ABAT: variants seen among roughly 807,000 people sequenced by gnomAD.
The protein encoded by ABAT is 4-aminobutyrate aminotransferase, mitochondrial.
A neutral mutation model predicts 64.6 loss-of-function variants in ABAT; 45 were observed. The observed-to-expected ratio is 0.70, with a 90% confidence interval of 0.55 to 0.89. The LOEUF (loss-of-function observed/expected upper bound fraction) is 0.89. ABAT is among the 40% of genes least tolerant of loss of function. The pLI is 0.00. For missense variants in ABAT, 633 were observed against 658.4 expected (o/e 0.96, Z 0.42); for synonymous variants, 297 against 250.5 (o/e 1.19, Z -1.75).
intron 2 of ABAT, among the ~76,000 whole-genome samples, chr16:8,739,926 G>A (rs1221478050): frequency 6.6e-6 from 1 of 151,256 alleles, no homozygotes; most frequent in Admixed American, 6.6e-5. Flanking sequence ...TATCTAGTAA[G>A]CCAGAATATG....
chr16:8,731,867 T>C (rs115900681), intron 1 of ABAT, among the ~76,000 whole-genome samples: 2,197 of 152,160 alleles, frequency 0.014, 58 homozygotes, highest in African/African-American at 0.05. Flanking sequence ...CTTTTTTTCC[T>C]CCTTGAAACA....
At chr16:8,724,309 AT>A (rs2058470938) in intron 1 of ABAT, among the ~76,000 whole-genome samples, 3 of 152,238 alleles carry the variant, frequency 2.0e-5, no homozygotes, top group South Asian at 4.1e-4. Context: ...ATAATGAAAA[AT>A]AAAAAATAAG....
Position 8,766,341 on chromosome 16 carries a change from T to C in ABAT, c.603+71T>C. ...CAGCCTCTCCCGGGCTGTTGCTGGCTGGCTGGCACTGTCCTCAATTAGGAA... is the reference window on the plus strand; with the variant it reads ...CAGCCTCTCCCGGGCTGTTGCTGGCCGGCTGGCACTGTCCTCAATTAGGAA... On this transcript the variant is annotated intron_variant, in intron 9 of 15. Coordinates refer to ENST00000268251, the MANE Select transcript of ABAT (RefSeq NM_020686.6). The C allele has an allele frequency of 1.6e-5, 23 of 1,465,414 alleles. No homozygotes were observed. In the South Asian group the frequency reaches 2.2e-4, roughly 14 times the overall value. The allele number at this position is 1,465,414 out of a possible 1,614,324, so 90.8% of individuals were successfully genotyped here.
chr16:8,738,628 G>GTTT (rs879122746), intron 2 of ABAT, among the ~76,000 whole-genome samples: 1 of 125,506 alleles, frequency 8.0e-6, no homozygotes, highest in African/African-American at 3.3e-5. Context: ...TTTTGTTTTT[G>GTTT]TTTTTTTTTT....
At chr16:8,712,008 G>T (rs1380468024) in intron 1 of ABAT, among the ~76,000 whole-genome samples, 1 of 151,664 alleles carries the variant, frequency 6.6e-6, no homozygotes, top group Non-Finnish European at 1.5e-5. Flanking sequence ...GGGAGGTCGG[G>T]GGGGAGGGGC....
At chr16:8,700,085 T>C (rs577370326) in intron 1 of ABAT, among the ~76,000 whole-genome samples, 1 of 152,292 alleles carries the variant, frequency 6.6e-6, no homozygotes, top group Admixed American at 6.5e-5. Flanking sequence ...CCTCCCAAAG[T>C]GCTGGGATTA....
At chr16:8,678,524 C>CAG (rs1216863590) in intron 1 of ABAT, among the ~76,000 whole-genome samples, 6 of 152,234 alleles carry the variant, frequency 3.9e-5, no homozygotes, top group Non-Finnish European at 7.3e-5. Flanking sequence ...CACCAGGCAT[C>CAG]AGAGAAACAT....
At chr16:8,715,409 A>C (rs972435301) in intron 1 of ABAT, 1 of 152,068 alleles carries the variant, frequency 6.6e-6, no homozygotes, top group Non-Finnish European at 1.5e-5. Context: ...CTTGAAGTCA[A>C]GAGTTAGAGA....
intron 1 of ABAT, among the ~76,000 whole-genome samples, chr16:8,700,938 T>G: frequency 6.7e-6 from 1 of 150,114 alleles, no homozygotes; most frequent in African/African-American, 2.5e-5. Flanking sequence ...TGCTTTGTTT[T>G]GTTTTTTCTC....
chr16:8,695,427 C>T (rs1349788113), intron 1 of ABAT, among the ~76,000 whole-genome samples: 1 of 152,180 alleles, frequency 6.6e-6, no homozygotes, highest in Non-Finnish European at 1.5e-5. Flanking sequence ...CACCCCTAAG[C>T]ACTGCATTCA....
chr16:8,742,120 G>C (rs1226681424), intron 2 of ABAT, among the ~76,000 whole-genome samples: 1 of 152,132 alleles, frequency 6.6e-6, no homozygotes, highest in African/African-American at 2.4e-5. Flanking sequence ...TTCCTGGCTT[G>C]TGCCCCATAG....
chr16:8,756,981 G>A (rs2059665733), intron 5 of ABAT, among the ~76,000 whole-genome samples: 1 of 152,116 alleles, frequency 6.6e-6, no homozygotes, highest in African/African-American at 2.4e-5. Context: ...GATGAGGCAT[G>A]CGGGTCACAG....
At chr16:8,703,402 A>G (rs2057869923) in intron 1 of ABAT, among the ~76,000 whole-genome samples, 1 of 151,868 alleles carries the variant, frequency 6.6e-6, no homozygotes, top group Admixed American at 6.6e-5. Context: ...GTTGCAGTGA[A>G]CCAAAATCGT....
chr16:8,763,744 A>G (rs1464164573), intron 6 of ABAT, among the ~76,000 whole-genome samples: 1 of 152,188 alleles, frequency 6.6e-6, no homozygotes, highest in African/African-American at 2.4e-5. Flanking sequence ...ATAAAGAAAG[A>G]GACTCACGGG....
At chr16:8,724,943 G>T (rs2058499671) in intron 1 of ABAT, among the ~76,000 whole-genome samples, 1 of 146,854 alleles carries the variant, frequency 6.8e-6, no homozygotes. Context: ...TTGAGATGGA[G>T]TCTCACTCTG....
intron 1 of ABAT, among the ~76,000 whole-genome samples, chr16:8,679,107 C>A (rs1043928416): frequency 6.6e-6 from 1 of 152,068 alleles, no homozygotes; most frequent in South Asian, 2.1e-4. Flanking sequence ...TCACTTGAGC[C>A]CAGGAGTTTG....
intron 6 of ABAT, among the ~76,000 whole-genome samples, chr16:8,762,395 G>C (rs1407322076): frequency 6.6e-6 from 1 of 152,070 alleles, no homozygotes; most frequent in African/African-American, 2.4e-5. Flanking sequence ...CATCTCACTG[G>C]CTTCTTACAA....
intron 1 of ABAT, among the ~76,000 whole-genome samples, chr16:8,726,779 A>G (rs2058570474): frequency 6.6e-6 from 1 of 152,120 alleles, no homozygotes; most frequent in Non-Finnish European, 1.5e-5. Context: ...TGTTCTCCAT[A>G]GTGGTTGTAC....
intron 1 of ABAT, among the ~76,000 whole-genome samples, chr16:8,705,291 T>C (rs981786563): frequency 6.6e-6 from 1 of 151,938 alleles, no homozygotes; most frequent in African/African-American, 2.4e-5. Context: ...CAGGGAAAAC[T>C]GCCACTTTAA....
Sources: gnomAD v4.1 joint callset for allele counts (sites outside exome capture counted in the v4.1 genomes callset) on GRCh38, gnomAD v4.1.1 for gene constraint, MANE v1.5 for transcripts, NCBI Gene and HGNC (gene_info 2026-07-23, HGNC 2026-07-21) for gene names.